The following PIP5K1B variants were observed in gnomAD, a reference collection of about 807,000 sequenced individuals.
The protein encoded by PIP5K1B is phosphatidylinositol 4-phosphate 5-kinase type-1 beta.
PIP5K1B carries 42 observed loss-of-function variants against 67.0 expected under a neutral mutation model. The ratio of observed to expected loss-of-function variants is 0.63; its 90% confidence interval spans 0.49 to 0.81. PIP5K1B has a LOEUF of 0.81. Ranked by LOEUF, PIP5K1B falls within the 30% of genes least tolerant of loss-of-function variation. The pLI is 0.00. For missense variants in PIP5K1B, 459 were observed against 646.3 expected, an observed-to-expected ratio of 0.71 and a Z score of 3.14; for synonymous variants, 214 against 231.4, an observed-to-expected ratio of 0.92 and a Z score of 0.68.
intron 14 of PIP5K1B, among the ~76,000 whole-genome samples, chr9:68,964,928 C>T (rs865784763): frequency 6.6e-6 from 1 of 152,336 alleles, no homozygotes; most frequent in South Asian, 2.1e-4. Context: ...CCTTCTCTCC[C>T]TTTCCTTATG....
chr9:68,860,486 T>C (rs921103248), intron 4 of PIP5K1B, among the ~76,000 whole-genome samples: 15 of 152,124 alleles, frequency 9.9e-5, no homozygotes, highest in African/African-American at 3.6e-4. Flanking sequence ...CGTGGGTGGG[T>C]ATGATTGGAA....
At chr9:68,763,109 C>G (rs1279261258) in intron 2 of PIP5K1B, among the ~76,000 whole-genome samples, 1 of 152,042 alleles carries the variant, frequency 6.6e-6, no homozygotes, top group East Asian at 1.9e-4. Flanking sequence ...ACCGGGATAT[C>G]TGGGTTTTTC....
Position 69,008,825 on chromosome 9 carries a change from G to T in PIP5K1B, c.*376G>T. 1 of 175,710 alleles carries T rather than the reference G, an allele frequency of 5.7e-6. No homozygotes were observed. Among genetic ancestry groups the T allele is most frequent in the Non-Finnish European group, 1.2e-5 (1 of 81,706 alleles). 10.9% of individuals were successfully genotyped at this position (175,710 alleles called of 1,614,324 possible). On this transcript the variant is annotated 3_prime_UTR_variant, in exon 16 of 16. Coordinates refer to ENST00000265382, the MANE Select transcript of PIP5K1B (RefSeq NM_003558.4). Reference sequence around the variant, plus strand: ...TATACATAAGCAACATATGTAATCTGCTTATATATTTTTAAAAATCCATCC... The same window carrying T: ...TATACATAAGCAACATATGTAATCTTCTTATATATTTTTAAAAATCCATCC...
At chr9:68,860,529 G>A (rs1823012219) in intron 4 of PIP5K1B, among the ~76,000 whole-genome samples, 1 of 152,126 alleles carries the variant, frequency 6.6e-6, no homozygotes, top group Non-Finnish European at 1.5e-5. Context: ...TTCACCAAAA[G>A]GAATGGCTCT....
chr9:68,854,570 A>G (rs1224213972), intron 4 of PIP5K1B, among the ~76,000 whole-genome samples: 2 of 152,250 alleles, frequency 1.3e-5, no homozygotes, highest in Non-Finnish European at 2.9e-5. Context: ...ATTACATTTT[A>G]TAAAAGCACA....
At chr9:68,893,364 C>T (rs1367099408) in intron 7 of PIP5K1B, among the ~76,000 whole-genome samples, 3 of 127,798 alleles carry the variant, frequency 2.3e-5, no homozygotes, top group South Asian at 4.9e-4. Context: ...GACAGAGTCT[C>T]GCTCTGTCAC....
chr9:68,948,486 A>C (rs1827906973), intron 14 of PIP5K1B, among the ~76,000 whole-genome samples: 2 of 152,106 alleles, frequency 1.3e-5, no homozygotes, highest in South Asian at 4.1e-4. Flanking sequence ...CAGCAACAAC[A>C]ACAAAAAACA....
At chr9:68,906,534 T>C (rs1825622129) in intron 8 of PIP5K1B, among the ~76,000 whole-genome samples, 1 of 152,224 alleles carries the variant, frequency 6.6e-6, no homozygotes. Context: ...TCTACATGTA[T>C]ACATCAGAAA....
chr9:68,997,201 A>G (rs1222884321), intron 15 of PIP5K1B, among the ~76,000 whole-genome samples: 2 of 152,214 alleles, frequency 1.3e-5, no homozygotes, highest in African/African-American at 4.8e-5. Context: ...GTATGGAAAA[A>G]GCGTGAGAAA....
At chr9:68,968,152 T>C (rs1829137155) in intron 14 of PIP5K1B, among the ~76,000 whole-genome samples, 1 of 152,200 alleles carries the variant, frequency 6.6e-6, no homozygotes, top group Admixed American at 6.5e-5. Context: ...CTCATCTATA[T>C]AAAGTGGAAT....
intron 1 of PIP5K1B, among the ~76,000 whole-genome samples, chr9:68,718,566 G>A (rs772525082): frequency 1.3e-5 from 2 of 152,160 alleles, no homozygotes; most frequent in Non-Finnish European, 2.9e-5. Context: ...GAACCTTTGG[G>A]CAGGCTGTTT....
intron 4 of PIP5K1B, among the ~76,000 whole-genome samples, chr9:68,848,151 G>A (rs1449464286): frequency 6.6e-6 from 1 of 152,182 alleles, no homozygotes; most frequent in African/African-American, 2.4e-5. Context: ...ACTACAGTAA[G>A]TACTCAGGAA....
intron 14 of PIP5K1B, among the ~76,000 whole-genome samples, chr9:68,956,349 ATT>A (rs1165444232): frequency 1.3e-5 from 2 of 152,226 alleles, no homozygotes; most frequent in East Asian, 3.9e-4. Flanking sequence ...AAGTGCCTGT[ATT>A]CCCAGCTACT....
intron 12 of PIP5K1B, among the ~76,000 whole-genome samples, chr9:68,924,397 G>A (rs561452779): frequency 0.011 from 978 of 87,644 alleles, 10 homozygotes; most frequent in African/African-American, 0.041. Flanking sequence ...GTGACACTGC[G>A]CCTCAAAAAA....
intron 7 of PIP5K1B, among the ~76,000 whole-genome samples, chr9:68,890,359 G>A (rs1824721763): frequency 6.6e-6 from 1 of 152,130 alleles, no homozygotes. Context: ...ATTGTACTTT[G>A]ATAACAGTTC....
intron 1 of PIP5K1B, among the ~76,000 whole-genome samples, chr9:68,714,566 T>G (rs1827543827): frequency 6.6e-6 from 1 of 152,182 alleles, no homozygotes; most frequent in Non-Finnish European, 1.5e-5. Flanking sequence ...GGAGGGCACC[T>G]GAGGCTCTGC....
intron 1 of PIP5K1B, among the ~76,000 whole-genome samples, chr9:68,732,513 G>A (rs1371952097): frequency 6.6e-6 from 1 of 152,182 alleles, no homozygotes; most frequent in Non-Finnish European, 1.5e-5. Context: ...ATGTTTTAGA[G>A]TCTTCATCTA....
intron 2 of PIP5K1B, among the ~76,000 whole-genome samples, chr9:68,764,116 G>C (rs1351769305): frequency 5.4e-5 from 2 of 36,710 alleles, no homozygotes; most frequent in Middle Eastern, 0.048. Context: ...CATCACCTTT[G>C]TTTCAGCATG....
At chr9:68,864,873 G>C (rs1293004302) in intron 5 of PIP5K1B, among the ~76,000 whole-genome samples, 1 of 152,086 alleles carries the variant, frequency 6.6e-6, no homozygotes, top group Non-Finnish European at 1.5e-5. Flanking sequence ...CCAGGCTTGG[G>C]TAAACATAGC....
Sources: allele counts gnomAD v4.1 joint callset (sites outside exome capture counted in the v4.1 genomes callset), GRCh38; gene constraint gnomAD v4.1.1; transcripts MANE v1.5; gene names NCBI Gene and HGNC (gene_info 2026-07-23, HGNC 2026-07-21).